HHAT: variants seen among roughly 807,000 people sequenced by gnomAD.
The protein encoded by HHAT is protein-cysteine N-palmitoyltransferase HHAT.
In HHAT, 47 loss-of-function variants were observed where a neutral mutation model predicts 70.8. The observed-to-expected ratio is 0.66, with a 90% CI of 0.53 to 0.85. The LOEUF (loss-of-function observed/expected upper bound fraction) is 0.85. HHAT is among the 40% of genes least tolerant of loss of function. HHAT has a pLI of 0.00. For synonymous variants in HHAT, 228 were observed against 247.6 expected (o/e 0.92, Z 0.74); for missense variants, 609 against 604.8 (o/e 1.01, Z -0.07).
intron 10 of HHAT, among the ~76,000 whole-genome samples, chr1:210,594,225 T>C (rs1662403804): frequency 6.6e-6 from 1 of 152,178 alleles, no homozygotes; most frequent in Admixed American, 6.6e-5. Flanking sequence ...TTCTGTTTTA[T>C]GGTCTTCTCC....
chr1:210,666,483 T>A (rs913633743), intron 11 of HHAT, among the ~76,000 whole-genome samples: 37 of 152,130 alleles, frequency 2.4e-4, no homozygotes, highest in African/African-American at 8.7e-4. Context: ...ATTTTATTTT[T>A]ATTTTTATTA....
chr1:210,557,357 C>T (rs1246992187), intron 9 of HHAT, among the ~76,000 whole-genome samples: 1 of 152,172 alleles, frequency 6.6e-6, no homozygotes, highest in African/African-American at 2.4e-5. Flanking sequence ...CCACTGCTTT[C>T]CAACTCCTGA....
intron 11 of HHAT, among the ~76,000 whole-genome samples, chr1:210,667,845 A>G (rs550334487): frequency 1.3e-5 from 2 of 152,288 alleles, no homozygotes; most frequent in Admixed American, 1.3e-4. Flanking sequence ...CATAAAATTT[A>G]CCATTTTAAC....
intron 6 of HHAT, among the ~76,000 whole-genome samples, chr1:210,412,708 G>T (rs909142795): frequency 1.3e-5 from 2 of 152,214 alleles, no homozygotes. Flanking sequence ...GTGGGGAGGG[G>T]GTTATGCCTC....
At chr1:210,560,315 T>TC (rs563023736) in intron 9 of HHAT, among the ~76,000 whole-genome samples, 283 of 152,196 alleles carry the variant, frequency 1.9e-3, no homozygotes, top group African/African-American at 6.5e-3. Flanking sequence ...AAGGTTTTTT[T>TC]CCCCCACTTA....
chr1:210,619,599 T>C (rs1668448516), intron 10 of HHAT, among the ~76,000 whole-genome samples: 2 of 152,174 alleles, frequency 1.3e-5, no homozygotes, highest in East Asian at 3.9e-4. Flanking sequence ...TCAACAGGGC[T>C]CTGCTGACCT....
chr1:210,485,232 T>C (rs1251774833), intron 8 of HHAT, among the ~76,000 whole-genome samples: 1 of 152,124 alleles, frequency 6.6e-6, no homozygotes. Flanking sequence ...AACACATCTA[T>C]ATACCTGACT....
intron 4 of HHAT, among the ~76,000 whole-genome samples, chr1:210,389,089 A>G (rs1399054438): frequency 4.6e-5 from 7 of 152,200 alleles, no homozygotes; most frequent in Non-Finnish European, 1.0e-4. Flanking sequence ...AGAATACATA[A>G]AACTGAGTAA....
chr1:210,427,810 G>A (rs1185428412), intron 7 of HHAT, among the ~76,000 whole-genome samples: 2 of 151,948 alleles, frequency 1.3e-5, no homozygotes, highest in Non-Finnish European at 2.9e-5. Flanking sequence ...ACATCTATCA[G>A]GTCCATTTGA....
At chr1:210,658,141 G>A (rs141125573) in intron 11 of HHAT, among the ~76,000 whole-genome samples, 21 of 152,092 alleles carry the variant, frequency 1.4e-4, no homozygotes, top group Admixed American at 7.2e-4. Context: ...CTCTCAGACC[G>A]GGTTCTACCT....
intron 3 of HHAT, among the ~76,000 whole-genome samples, chr1:210,368,992 C>T (rs1446593690): frequency 1.3e-5 from 2 of 151,906 alleles, no homozygotes; most frequent in African/African-American, 2.4e-5. Flanking sequence ...GCAGGAGAAT[C>T]GCTTGAACCC....
intron 8 of HHAT, among the ~76,000 whole-genome samples, chr1:210,471,651 T>C (rs1352512378): frequency 2.0e-5 from 3 of 152,108 alleles, no homozygotes; most frequent in African/African-American, 7.2e-5. Flanking sequence ...ATAATCGTAA[T>C]AATAACAGCA....
chr1:210,640,903 C>T (rs1391700961), intron 11 of HHAT, among the ~76,000 whole-genome samples: 3 of 152,168 alleles, frequency 2.0e-5, no homozygotes, highest in Admixed American at 2.0e-4. Context: ...AGTTAAATGA[C>T]CTGCCAAACC....
chr1:210,329,386 C>T (rs2084789102), intron 1 of HHAT: 5 of 1,155,328 alleles, frequency 4.3e-6, no homozygotes, highest in Non-Finnish European at 5.3e-6. Context: ...GGCTTCGTCC[C>T]CAGCTTCCGG....
At chr1:210,401,196 C>T (rs1013461738) in intron 5 of HHAT, among the ~76,000 whole-genome samples, 2 of 152,184 alleles carry the variant, frequency 1.3e-5, no homozygotes, top group Non-Finnish European at 1.5e-5. Flanking sequence ...TTCACTGCAA[C>T]CTCCGCCTCC....
intron 1 of HHAT, among the ~76,000 whole-genome samples, chr1:210,347,847 C>T (rs981441077): frequency 6.6e-6 from 1 of 152,120 alleles, no homozygotes; most frequent in Non-Finnish European, 1.5e-5. Flanking sequence ...TTCTGTTCAA[C>T]AGGAAAGGGA....
chr1:210,412,279 AAATT>A (rs1448626536), intron 6 of HHAT, among the ~76,000 whole-genome samples: 4 of 152,166 alleles, frequency 2.6e-5, no homozygotes, highest in African/African-American at 7.2e-5. Context: ...TGCCCCCTGA[AAATT>A]AATGGCCTCC....
At chr1:210,665,550 C>T (rs1047321674) in intron 11 of HHAT, among the ~76,000 whole-genome samples, 1 of 152,140 alleles carries the variant, frequency 6.6e-6, no homozygotes, top group Non-Finnish European at 1.5e-5. Flanking sequence ...AGTGGATGAG[C>T]CAGAGGGACA....
intron 9 of HHAT, among the ~76,000 whole-genome samples, chr1:210,574,820 C>T (rs1396646741): frequency 2.0e-5 from 3 of 152,216 alleles, no homozygotes; most frequent in African/African-American, 7.2e-5. Flanking sequence ...CCTCAGAGCA[C>T]TTTCTTCTAG....
Sources: gnomAD v4.1 joint callset for allele counts (sites outside exome capture counted in the v4.1 genomes callset) on GRCh38, gnomAD v4.1.1 for gene constraint, MANE v1.5 for transcripts, NCBI Gene and HGNC (gene_info 2026-07-23, HGNC 2026-07-21) for gene names.